CDH13: variants seen among roughly 807,000 people sequenced by gnomAD.
CDH13 encodes cadherin-13.
CDH13 carries 24 observed loss-of-function variants against 63.8 expected under a neutral mutation model. The observed-to-expected ratio is 0.38, with a 90% confidence interval of 0.27 to 0.53. The LOEUF (loss-of-function observed/expected upper bound fraction) is 0.53, where lower values mean the gene tolerates loss of function less well. Among genes scored for constraint, CDH13 ranks in the 20% least tolerant of loss-of-function variants. CDH13 has a pLI of 0.85. For missense variants in CDH13, 1,049 were observed against 903.1 expected (o/e 1.16, Z -2.07); for synonymous variants, 503 against 355.3 (o/e 1.42, Z -4.67).
intron 3 of CDH13, among the ~76,000 whole-genome samples, chr16:83,088,287 G>C (rs1234169898): frequency 2.0e-5 from 3 of 152,064 alleles, no homozygotes; most frequent in Non-Finnish European, 4.4e-5. Flanking sequence ...TGCTTCCCTG[G>C]TGCCTTATTA....
chr16:83,368,886 A>T (rs2325938), intron 6 of CDH13, among the ~76,000 whole-genome samples: 9,599 of 17,614 alleles, frequency 0.54, 1,994 homozygotes, highest in East Asian at 0.78. Flanking sequence ...ATTCCATGTT[A>T]TATATATATA....
chr16:83,751,536 C>A (rs1338221035), intron 11 of CDH13, among the ~76,000 whole-genome samples: 1 of 152,162 alleles, frequency 6.6e-6, no homozygotes, highest in African/African-American at 2.4e-5. Context: ...AGGCATTAGG[C>A]AGCTGCCGCA....
intron 5 of CDH13, among the ~76,000 whole-genome samples, chr16:83,339,533 T>A (rs2090675649): frequency 6.6e-6 from 1 of 152,260 alleles, no homozygotes; most frequent in East Asian, 1.9e-4. Context: ...TCCTGCAAAG[T>A]CACCATGGTG....
intron 8 of CDH13, among the ~76,000 whole-genome samples, chr16:83,617,627 TCTA>T (rs1420808014): frequency 6.6e-6 from 1 of 151,492 alleles, no homozygotes; most frequent in Non-Finnish European, 1.5e-5. Context: ...ATGCACATAT[TCTA>T]ATATATATTT....
intron 5 of CDH13, among the ~76,000 whole-genome samples, chr16:83,286,105 C>T (rs577332439): frequency 4.6e-5 from 7 of 152,266 alleles, no homozygotes; most frequent in East Asian, 1.9e-4. Flanking sequence ...GTCTGAGCAA[C>T]GTTCCTGCTT....
intron 5 of CDH13, among the ~76,000 whole-genome samples, chr16:83,325,811 C>T (rs1053570466): frequency 6.6e-6 from 1 of 152,138 alleles, no homozygotes; most frequent in African/African-American, 2.4e-5. Context: ...GAATTAAACA[C>T]ACTCTATCTC....
At chr16:83,705,187 G>T (rs1360632651) in intron 10 of CDH13, among the ~76,000 whole-genome samples, 1 of 152,164 alleles carries the variant, frequency 6.6e-6, no homozygotes, top group African/African-American at 2.4e-5. Context: ...CCAAGACAAT[G>T]CTTTACCTGA....
intron 8 of CDH13, among the ~76,000 whole-genome samples, chr16:83,609,060 T>C (rs899888264): frequency 5.9e-5 from 9 of 152,190 alleles, no homozygotes; most frequent in Non-Finnish European, 7.3e-5. Context: ...ACACATTTTA[T>C]TATTGGAAAA....
At chr16:82,889,618 C>G (rs2041010689) in intron 2 of CDH13, among the ~76,000 whole-genome samples, 1 of 152,174 alleles carries the variant, frequency 6.6e-6, no homozygotes, top group African/African-American at 2.4e-5. Flanking sequence ...GCTGGTTGAT[C>G]AAATGTTGCA....
intron 2 of CDH13, among the ~76,000 whole-genome samples, chr16:83,005,006 T>C (rs915692164): frequency 3.9e-5 from 6 of 152,168 alleles, no homozygotes; most frequent in Non-Finnish European, 8.8e-5. Context: ...TTAAAGGACA[T>C]TGACTAGAAG....
chr16:83,678,330 G>A lies in CDH13; in HGVS notation c.1407G>A (p.Leu469=), dbSNP rs926410655. The A allele has an allele frequency of 3.1e-6, 5 of 1,613,848 alleles. No homozygotes were observed. Among genetic ancestry groups the A allele is most frequent in the Non-Finnish European group, 4.2e-6 (5 of 1,179,908 alleles). The part of the protein sequence containing the change: ...SSTATVHITV[L]DVNEGPVFYP... ...CAGCCACCGTCCACATCACTGTCCT[G>A]GATGTCAACGAGGGCCCAGTCTTCT... The change falls in exon 10 of 14, where the codon CTG becomes CTA. Residue 469 remains leucine (L), a synonymous_variant. Transcript: ENST00000567109.
chr16:82,900,669 C>T lies in CDH13; in HGVS notation c.157+42196C>T, dbSNP rs1408147073. The stretch of plus-strand genomic sequence containing the variant: ...AACAGAGTAATTGATGAACCAACGT[C>T]CCCGAGGAGACGGGAGGGATGAAAT... On this transcript the variant is annotated intron_variant, in intron 2 of 13. Transcript: ENST00000567109. 4.6e-5 allele frequency among the ~76,000 whole-genome samples: 7 copies of T among 152,282 alleles called. No individual in the cohort carries two copies. In the East Asian group the frequency reaches 1.4e-3, roughly 29 times the overall value.
intron 8 of CDH13, among the ~76,000 whole-genome samples, chr16:83,657,925 A>G (rs1197560613): frequency 1.3e-5 from 2 of 148,746 alleles, no homozygotes; most frequent in Non-Finnish European, 3.0e-5. Context: ...GCAAGGTCCC[A>G]TGTCCCCACC....
intron 6 of CDH13, among the ~76,000 whole-genome samples, chr16:83,411,876 A>G (rs1359381295): frequency 6.6e-6 from 1 of 152,226 alleles, no homozygotes; most frequent in Non-Finnish European, 1.5e-5. Context: ...TATAAGGTAG[A>G]TAGTAACATC....
chr16:83,146,673 G>A (rs1458761448), intron 4 of CDH13, among the ~76,000 whole-genome samples: 1 of 152,248 alleles, frequency 6.6e-6, no homozygotes. Context: ...AGCAGCTGGA[G>A]AAGTAAGATT....
intron 9 of CDH13, among the ~76,000 whole-genome samples, chr16:83,677,751 G>T (rs1473577166): frequency 1.3e-5 from 2 of 152,128 alleles, no homozygotes; most frequent in African/African-American, 4.8e-5. Context: ...TGAGGATTGG[G>T]CGTTGGAGTC....
intron 3 of CDH13, among the ~76,000 whole-genome samples, chr16:83,098,293 C>T (rs1449764218): frequency 6.6e-6 from 1 of 152,186 alleles, no homozygotes; most frequent in Admixed American, 6.5e-5. Flanking sequence ...TTTCTCCTTT[C>T]CCAGCCTTTG....
chr16:83,061,983 G>T (rs1383983689), intron 3 of CDH13, among the ~76,000 whole-genome samples: 1 of 152,172 alleles, frequency 6.6e-6, no homozygotes, highest in Admixed American at 6.5e-5. Context: ...AGTGAGCTGG[G>T]CAGGGTGACA....
At chr16:83,208,089 A>T (rs1033292697) in intron 4 of CDH13, among the ~76,000 whole-genome samples, 2 of 152,070 alleles carry the variant, frequency 1.3e-5, no homozygotes, top group Non-Finnish European at 2.9e-5. Context: ...GACCTTGGTG[A>T]TGAACACAGA....
Sources: gnomAD v4.1 joint callset for allele counts (sites outside exome capture counted in the v4.1 genomes callset) on GRCh38, gnomAD v4.1.1 for gene constraint, MANE v1.5 for transcripts, NCBI Gene and HGNC (gene_info 2026-07-23, HGNC 2026-07-21) for gene names.